AGPAT5: variants seen among roughly 807,000 people sequenced by gnomAD.
The protein encoded by AGPAT5 is 1-acyl-sn-glycerol-3-phosphate acyltransferase epsilon.
AGPAT5 carries 46 observed loss-of-function variants against 45.6 expected under a neutral mutation model. The ratio of observed to expected loss-of-function variants is 1.01; its 90% CI spans 0.80 to 1.29. The LOEUF (loss-of-function observed/expected upper bound fraction) is 1.29, where lower values mean the gene tolerates loss of function less well. AGPAT5 is among the 50% of genes most tolerant of loss of function. AGPAT5 has a pLI of 0.00. For synonymous variants in AGPAT5, 272 were observed against 167.0 expected, an observed-to-expected ratio of 1.63 and a Z score of -4.85; for missense variants, 673 against 450.7, an observed-to-expected ratio of 1.49 and a Z score of -4.47.
chr8:6,737,908 C>A (rs1239015548), intron 4 of AGPAT5, among the ~76,000 whole-genome samples: 2 of 152,144 alleles, frequency 1.3e-5, no homozygotes, highest in Admixed American at 6.5e-5. Flanking sequence ...TTTTTTCCTG[C>A]CACTTCTTTA....
At chr8:6,731,510 GTAT>G (rs1404448793) in intron 3 of AGPAT5, among the ~76,000 whole-genome samples, 4 of 151,678 alleles carry the variant, frequency 2.6e-5, no homozygotes, top group African/African-American at 7.3e-5. Flanking sequence ...TTTTTTATTT[GTAT>G]TATTTTAATT....
In AGPAT5 at chr8:6,758,988, A is replaced by G. The variant is rs1801937903; in HGVS notation, c.*1600A>G. ...CTGCTTCTCCCATGCCAGAGAATAA[A>G]CTCTTTCAAGCATCATCTTTGAAGA... On this transcript the variant is annotated 3_prime_UTR_variant, in exon 8 of 8. Coordinates refer to ENST00000285518, the MANE Select transcript of AGPAT5 (RefSeq NM_018361.5). The G allele has an allele frequency of 1.3e-5, 2 of 152,242 alleles. No homozygotes were observed. Among genetic ancestry groups the G allele is most frequent in the Admixed American group, 1.3e-4 (2 of 15,262 alleles). The allele number at this position is 152,242 out of a possible 1,614,324, so 9.4% of individuals were successfully genotyped here.
rs1202700042 is a variant in AGPAT5 at position 6,760,302 on chromosome 8, G to T, written c.*2914G>T. Reference sequence around the variant, plus strand: ...TGTCCCAGCTACTCGGGAGGGTGAGGTGGGAGGATCGCTTCAGCCCAGGAG... The same window carrying T: ...TGTCCCAGCTACTCGGGAGGGTGAGTTGGGAGGATCGCTTCAGCCCAGGAG... On this transcript the variant is annotated 3_prime_UTR_variant, in exon 8 of 8. Transcript: ENST00000285518. Among the ~76,000 whole-genome samples the T allele has an allele frequency of 6.6e-6, 1 of 152,146 alleles. No individual in the cohort carries two copies. The highest frequency in any genetic ancestry group is 1.9e-4 in the East Asian group (1 of 5,196).
chr8:6,709,018 C>G (rs887377403), intron 1 of AGPAT5, 131 bp downstream of exon 1: 1 of 852,632 alleles, frequency 1.2e-6, no homozygotes, highest in Non-Finnish European at 1.9e-6. Flanking sequence ...GCACGTGCCG[C>G]CTCCCCGCCT....
intron 1 of AGPAT5, among the ~76,000 whole-genome samples, chr8:6,710,910 ACT>A (rs992432491): frequency 2.6e-5 from 4 of 151,760 alleles, no homozygotes; most frequent in Admixed American, 6.6e-5. Context: ...TTGTTAGGAC[ACT>A]CTTTTTTTCT....
chr8:6,717,714 C>G (rs1563283380), intron 1 of AGPAT5, among the ~76,000 whole-genome samples: 1 of 152,182 alleles, frequency 6.6e-6, no homozygotes, highest in Non-Finnish European at 1.5e-5. Context: ...AACGCCAGCT[C>G]TTGGTGCACT....
At chr8:6,746,075 C>T (rs28608802) in intron 5 of AGPAT5, 11 of 151,080 alleles carry the variant, frequency 7.3e-5, no homozygotes, top group Middle Eastern at 3.2e-3. Flanking sequence ...TTTCTTTCTG[C>T]ATTCTTCTCC....
At chr8:6,738,462 A>G (rs1185535413) in intron 4 of AGPAT5, 1 of 152,228 alleles carries the variant, frequency 6.6e-6, no homozygotes, top group Non-Finnish European at 1.5e-5. Flanking sequence ...AACAATTACA[A>G]TAGTAACATC....
intron 5 of AGPAT5, chr8:6,745,058 ATT>A (rs1801390662): frequency 6.6e-6 from 1 of 152,308 alleles, no homozygotes; most frequent in African/African-American, 2.4e-5. Context: ...ACATTCAAGG[ATT>A]TTTTGCTTTC....
At chr8:6,720,225 G>C (rs553312597) in intron 1 of AGPAT5, among the ~76,000 whole-genome samples, 1 of 149,186 alleles carries the variant, frequency 6.7e-6, no homozygotes, top group South Asian at 2.2e-4. Flanking sequence ...GCTTATCGCT[G>C]GAACATTCTG....
At chr8:6,724,377 C>A (rs981222529) in intron 1 of AGPAT5, among the ~76,000 whole-genome samples, 5 of 152,154 alleles carry the variant, frequency 3.3e-5, no homozygotes, top group African/African-American at 1.2e-4. Context: ...TAATAATACT[C>A]CTGCTCTGCA....
At chr8:6,745,210 A>G (rs370043367) in intron 5 of AGPAT5, 3 of 154,166 alleles carry the variant, frequency 1.9e-5, no homozygotes, top group East Asian at 1.9e-4. Context: ...TTGGAGAAAA[A>G]TTTTCTTCTT....
At chr8:6,733,152 G>A (rs760929965) in intron 4 of AGPAT5, among the ~76,000 whole-genome samples, 5 of 152,202 alleles carry the variant, frequency 3.3e-5, no homozygotes, top group Non-Finnish European at 5.9e-5. Flanking sequence ...AGTGGGGAGA[G>A]TTCAATCTGC....
At chr8:6,718,137 C>T (rs1383220531) in intron 1 of AGPAT5, among the ~76,000 whole-genome samples, 2 of 152,178 alleles carry the variant, frequency 1.3e-5, no homozygotes, top group Admixed American at 6.5e-5. Context: ...AGAAAAAACA[C>T]ACCCTCTAAA....
In AGPAT5 at chr8:6,761,053, AT is replaced by A. The variant is rs942772846; in HGVS notation, c.*3666del. 1.5e-4 allele frequency among the ~76,000 whole-genome samples: 23 copies of A among 152,200 alleles called. No individual in the cohort carries two copies. Among genetic ancestry groups the A allele is most frequent in the Non-Finnish European group, 7.3e-5 (5 of 68,034 alleles). On this transcript the variant is annotated 3_prime_UTR_variant, in exon 8 of 8. Transcript: ENST00000285518. ...TCCTGTAGCAACTGGGGAGTCATATATGAGGTCAAAGACATATACCTTGTTA... is the reference window on the plus strand; with the variant it reads ...TCCTGTAGCAACTGGGGAGTCATATAGAGGTCAAAGACATATACCTTGTTA...
intron 5 of AGPAT5, among the ~76,000 whole-genome samples, chr8:6,742,426 A>G (rs1022452609): frequency 6.6e-6 from 1 of 152,234 alleles, no homozygotes; most frequent in African/African-American, 2.4e-5. Context: ...AACAGTGGCT[A>G]TGCTATGTTC....
At chr8:6,741,835 GT>G in intron 5 of AGPAT5, 84 bp downstream of exon 5, 1 of 1,080,658 alleles carries the variant, frequency 9.3e-7, no homozygotes, top group Middle Eastern at 2.0e-4. Context: ...AGATACTTTT[GT>G]TTTACAGTTG....
At chr8:6,725,863 G>C (rs1402736462) in intron 2 of AGPAT5, among the ~76,000 whole-genome samples, 1 of 152,058 alleles carries the variant, frequency 6.6e-6, no homozygotes, top group Non-Finnish European at 1.5e-5. Flanking sequence ...TATGCCTGTG[G>C]CTTTTTTTAA....
chr8:6,747,750 G>A lies in AGPAT5; in HGVS notation c.667G>A (p.Asp223Asn), dbSNP rs1265235959. ...TTTTGATTGCATGAAGAATTATTTA[G>A]ATGCAATTTATGATGTTACGGTGGT... ...VAFDCMKNYL[D>N]AIYDVTVVYE... The change falls in exon 6 of 8, where the codon GAT becomes AAT. Residue 223 changes from aspartate (D) to asparagine (N), a missense_variant. Physicochemically the swap from Asp to Asn is conservative, Grantham distance 23. Transcript: ENST00000285518. The A allele has an allele frequency of 6.2e-7, 1 of 1,614,198 alleles. No homozygotes were observed.
Sources: gnomAD v4.1 joint callset for allele counts (sites outside exome capture counted in the v4.1 genomes callset) on GRCh38, gnomAD v4.1.1 for gene constraint, MANE v1.5 for transcripts, NCBI Gene and HGNC (gene_info 2026-07-23, HGNC 2026-07-21) for gene names.